Variants in PIH1D2 observed in about 807,000 individuals in gnomAD.
The protein encoded by PIH1D2 is PIH1 domain containing 2, also known as PIH1 domain-containing protein 2.
PIH1D2 carries 25 observed loss-of-function variants against 31.2 expected under a neutral mutation model. That is an observed-to-expected ratio of 0.80 (90% CI 0.58 to 1.12). PIH1D2 has a LOEUF of 1.12. Ranked by LOEUF, PIH1D2 falls within the 50% of genes most tolerant of loss-of-function variation. The pLI, the probability that PIH1D2 is intolerant of heterozygous loss-of-function variation, is 0.00. For missense variants in PIH1D2, 310 were observed against 356.6 expected (o/e 0.87, Z 1.05); for synonymous variants, 116 against 119.9 (o/e 0.97, Z 0.21).
chr11:112,064,296 A>G (rs1864820473), downstream of PIH1D2: 2 of 1,289,374 alleles, frequency 1.6e-6, no homozygotes, highest in Non-Finnish European at 2.1e-6. Context: ...TATAATCTAA[A>G]TCGATTCAGT....
At chr11:112,068,325 A>T (rs1434119446) in intron 5 of PIH1D2, among the ~76,000 whole-genome samples, 2 of 152,176 alleles carry the variant, frequency 1.3e-5, no homozygotes, top group African/African-American at 4.8e-5. Context: ...CCTTTAGTGA[A>T]ACTATCACAG....
downstream of PIH1D2, chr11:112,059,918 T>C (rs1555183003): frequency 3.7e-6 from 6 of 1,609,902 alleles, no homozygotes; most frequent in Non-Finnish European, 5.1e-6. Flanking sequence ...ATGTTGTTGA[T>C]GTCAGTGTTG....
rs782341282 is a variant in PIH1D2, at chr11:112,070,681, G to A, written c.568C>T (p.Arg190Ter). The A allele has an allele frequency of 8.7e-6, 14 of 1,613,822 alleles. No homozygotes were observed. Among genetic ancestry groups the A allele is most frequent in the Middle Eastern group, 1.6e-4 (1 of 6,084 alleles). ...TCTGGATTGCTCATAGTACTGCTTC[G>A]TATCTGTCCAAGAGTTAGTTCTTTA... The part of the protein sequence containing the change: ...MRRELTLGQI[R>*]SSTMSNPDHF... The change falls in exon 5 of 6, where the codon CGA becomes TGA. Residue 190 changes from arginine (R) to a stop codon, truncating the protein, a stop_gained. Transcript: ENST00000280350. LOFTEE classifies it high-confidence loss of function.
At chr11:112,062,511 A>G, downstream of PIH1D2, 1 of 1,612,580 alleles carries the variant, frequency 6.2e-7, no homozygotes, top group East Asian at 2.2e-5. Flanking sequence ...AGTACCTTGA[A>G]AAACCTATCA....
downstream of PIH1D2, chr11:112,063,546 C>A (rs1864771595): frequency 1.3e-5 from 2 of 152,586 alleles, no homozygotes; most frequent in East Asian, 1.9e-4. Context: ...TTTTGGAGTG[C>A]TTAAAAATGC....
chr11:112,066,696 G>A (rs758160681), downstream of PIH1D2, among the ~76,000 whole-genome samples: 3 of 151,602 alleles, frequency 2.0e-5, no homozygotes, highest in Non-Finnish European at 2.9e-5. Flanking sequence ...CCAATCTATC[G>A]ACAAGTCTAT....
chr11:112,060,052 C>T, downstream of PIH1D2: 1 of 1,613,696 alleles, frequency 6.2e-7, no homozygotes. Flanking sequence ...AAACTACAGC[C>T]ACATGAATTC....
downstream of PIH1D2, among the ~76,000 whole-genome samples, chr11:112,067,003 C>T (rs1171746326): frequency 1.3e-5 from 2 of 152,166 alleles, no homozygotes; most frequent in Non-Finnish European, 2.9e-5. Flanking sequence ...GCGAAGGTTG[C>T]AGTGAGCCGA....
intron 4 of PIH1D2, 159 bp from the exon 5 acceptor site, chr11:112,070,860 T>A (rs587674305): frequency 7.4e-6 from 9 of 1,217,602 alleles, no homozygotes; most frequent in Non-Finnish European, 8.8e-6. Context: ...AAGAATTTGA[T>A]TGAAAATTTT....
downstream of PIH1D2, among the ~76,000 whole-genome samples, chr11:112,066,844 C>T (rs1555183899): frequency 6.6e-6 from 1 of 151,662 alleles, no homozygotes; most frequent in African/African-American, 2.4e-5. Context: ...AGATGGATCA[C>T]TTGAGGTCAG....
At chr11:112,069,360 G>A (rs1336172513) in intron 5 of PIH1D2, among the ~76,000 whole-genome samples, 2 of 152,060 alleles carry the variant, frequency 1.3e-5, no homozygotes, top group Non-Finnish European at 2.9e-5. Flanking sequence ...TGGCTAAAAT[G>A]ACAGCAATTA....
At chr11:112,055,303 G>A in the PIH1D2 span, among the ~76,000 whole-genome samples, 469 of 147,100 alleles carry the variant, frequency 3.2e-3, 5 homozygotes, top group Non-Finnish European at 2.5e-3. Flanking sequence ...GAGTGCAGTG[G>A]CGCAATCTCG....
At chr11:112,070,144 C>T (rs1344018178) in intron 5 of PIH1D2, 1 of 557,304 alleles carries the variant, frequency 1.8e-6, no homozygotes, top group Non-Finnish European at 3.2e-6. Context: ...CTCAGTCCTA[C>T]TGATGTAGAA....
downstream of PIH1D2, chr11:112,064,431 A>G: frequency 3.9e-6 from 2 of 514,250 alleles, no homozygotes; most frequent in South Asian, 5.9e-5. Context: ...AATTATTTTC[A>G]CATTTAAATT....
At chr11:112,066,231 T>G (rs894363045), downstream of PIH1D2, among the ~76,000 whole-genome samples, 12 of 152,202 alleles carry the variant, frequency 7.9e-5, no homozygotes, top group Admixed American at 7.2e-4. Flanking sequence ...AGTTGGTACC[T>G]TTGTATTTCA....
chr11:112,070,019 CAACCA>C, intron 5 of PIH1D2: 1 of 206,004 alleles, frequency 4.9e-6, no homozygotes, highest in Non-Finnish European at 9.8e-6. Flanking sequence ...CAAATATTTG[CAACCA>C]AGAGTGTAGA....
downstream of PIH1D2, chr11:112,063,230 ATATT>A (rs1443715831): frequency 2.6e-5 from 4 of 152,216 alleles, no homozygotes; most frequent in Non-Finnish European, 5.9e-5. Flanking sequence ...ATTTGTGTGG[ATATT>A]TATTTAAACA....
At chr11:112,059,930 G>A (rs587652725), downstream of PIH1D2, 49 of 1,611,244 alleles carry the variant, frequency 3.0e-5, no homozygotes, top group East Asian at 7.8e-4. Flanking sequence ...TCAGTGTTGC[G>A]GTCAGTACTC....
At chr11:112,064,517 T>C (rs1864833807), downstream of PIH1D2, 1 of 274,570 alleles carries the variant, frequency 3.6e-6, no homozygotes, top group African/African-American at 2.2e-5. Flanking sequence ...ATTGGCAAAA[T>C]ATGGACTACA....
Sources: gnomAD v4.1 joint callset for allele counts (sites outside exome capture counted in the v4.1 genomes callset) on GRCh38, gnomAD v4.1.1 for gene constraint, MANE v1.5 for transcripts, NCBI Gene and HGNC (gene_info 2026-07-23, HGNC 2026-07-21) for gene names.